The following CRIP3 variants were observed in gnomAD, a reference collection of about 807,000 sequenced individuals.
The protein encoded by CRIP3 is cysteine-rich protein 3.
A neutral mutation model predicts 30.3 loss-of-function variants in CRIP3; 23 were observed. That is an observed-to-expected ratio of 0.76 (90% CI 0.55 to 1.08). CRIP3 has a LOEUF of 1.08. Among genes scored for constraint, CRIP3 ranks in the 50% least tolerant of loss-of-function variants. The pLI, the probability that CRIP3 is intolerant of heterozygous loss-of-function variation, is 0.00. For synonymous variants in CRIP3, 89 were observed against 97.6 expected (o/e 0.91, Z 0.52); for missense variants, 261 against 259.3 (o/e 1.01, Z -0.04).
intron 1 of CRIP3, 108 bp downstream of exon 1, chr6:43,308,642 G>C: frequency 7.2e-7 from 1 of 1,386,320 alleles, no homozygotes; most frequent in East Asian, 2.3e-5. Flanking sequence ...AGCCGCTGCA[G>C]GTGAAAAGGG....
chr6:43,308,096 G>A (rs552674660), intron 2 of CRIP3, among the ~76,000 whole-genome samples, 200 bp from the exon 3 acceptor site: 9 of 152,202 alleles, frequency 5.9e-5, no homozygotes, highest in African/African-American at 2.2e-4. Flanking sequence ...AGAAGGTGAC[G>A]CTGCTTCCCA....
chr6:43,305,690 G>C lies in CRIP3; in HGVS notation c.*124C>G. ...ACTCTCTGGCCTACCATGGAGCCTAGGCCCAGGCCCCCAAGATCCCACCTT... is the reference window on the plus strand; with the variant it reads ...ACTCTCTGGCCTACCATGGAGCCTACGCCCAGGCCCCCAAGATCCCACCTT... On this transcript the variant is annotated 3_prime_UTR_variant, in exon 8 of 8. Coordinates refer to ENST00000372569, the MANE Select transcript of CRIP3 (RefSeq NM_206922.3). 1 of 1,236,862 alleles carries C rather than the reference G, an allele frequency of 8.1e-7. No individual in the cohort carries two copies. Among genetic ancestry groups the C allele is most frequent in the Non-Finnish European group, 1.2e-6 (1 of 845,556 alleles). The allele number at this position is 1,236,862 out of a possible 1,614,324, so 76.6% of individuals were successfully genotyped here.
chr6:43,306,080 C>G lies in CRIP3; in HGVS notation c.540G>C (p.Leu180=). The G allele has an allele frequency of 6.2e-7, 1 of 1,613,680 alleles. No homozygotes were observed. Among genetic ancestry groups the G allele is most frequent in the Non-Finnish European group, 8.5e-7 (1 of 1,179,766 alleles). ...PYCHVPCYGY[L]FGPKGVNIGD... The stretch of plus-strand genomic sequence containing the variant: ...GGGGCTGCCCACCTTTGGGGCCAAA[C>G]AGGTAGCCGTAGCAGGGGACGTGGC... Residue 180 remains leucine (L), a synonymous_variant, in exon 7 of 8, where the codon CTG becomes CTC. Coordinates refer to ENST00000372569, the MANE Select transcript of CRIP3 (RefSeq NM_206922.3).
chr6:43,306,257 G>C lies in CRIP3; in HGVS notation c.457C>G (p.Arg153Gly), dbSNP rs142672835. The C allele has an allele frequency of 1.2e-6, 2 of 1,614,130 alleles. No homozygotes were observed. The highest frequency in any genetic ancestry group is 2.2e-5 in the South Asian group (2 of 91,084). The change falls in exon 6 of 8, where the codon CGT becomes GGT. Residue 153 changes from arginine (R) to glycine (G), a missense_variant. Coordinates refer to ENST00000372569, the MANE Select transcript of CRIP3 (RefSeq NM_206922.3). ...CCAGCAGTCAGGGTCTTGTGGCAAC[G>C]CTGGCACCTCAGACACGGTCGGTGC... ...NWHRPCLRCQ[R>G]CHKTLTAGSH...
intron 2 of CRIP3, 106 bp from the exon 3 acceptor site, chr6:43,308,002 T>C: frequency 7.9e-7 from 1 of 1,267,186 alleles, no homozygotes; most frequent in South Asian, 1.3e-5. Context: ...ACTGGCTGAG[T>C]CTGGTGGGCC....
At chr6:43,306,604 G>T in intron 4 of CRIP3, 87 bp from the exon 5 acceptor site, 1 of 1,167,298 alleles carries the variant, frequency 8.6e-7, no homozygotes, top group Non-Finnish European at 1.2e-6. Flanking sequence ...TCTTTCAAAA[G>T]CCATGCTCAT....
chr6:43,307,295 A>C (rs1160479661), intron 4 of CRIP3: 1 of 170,290 alleles, frequency 5.9e-6, no homozygotes, highest in Non-Finnish European at 1.2e-5. Flanking sequence ...ATGAGCCACC[A>C]CACCTGGCTA....
At chr6:43,307,130 C>T (rs545373796) in intron 4 of CRIP3, 4 of 140,362 alleles carry the variant, frequency 2.8e-5, no homozygotes, top group African/African-American at 8.1e-5. Context: ...CCCAATTAAC[C>T]TCTTTTTTTT....
Position 43,308,033 on chromosome 6 carries a change from C to A in CRIP3, c.139-137G>T. ...GGGCCTGGGAGGGGTGGGGGATGGG[C>A]TGGCATGCCAGCATTTCCACTGTGG... On this transcript the variant is annotated intron_variant, in intron 2 of 7. Coordinates refer to ENST00000372569, the MANE Select transcript of CRIP3 (RefSeq NM_206922.3). The A allele has an allele frequency of 4.3e-6, 4 of 934,728 alleles. No homozygotes were observed. In the East Asian group the frequency reaches 1.1e-4, roughly 25 times the overall value. 57.9% of individuals were successfully genotyped at this position (934,728 alleles called of 1,614,324 possible).
At position 43,306,432 on chromosome 6, in the gene CRIP3, C is replaced by T. The variant is rs774622516; in HGVS notation, c.400+14G>A. On this transcript the variant is annotated intron_variant, in intron 5 of 7. Coordinates refer to ENST00000372569, the MANE Select transcript of CRIP3 (RefSeq NM_206922.3). Reference sequence around the variant, plus strand: ...CCCTGTATCCCCCTCCCCAAGTTTTCCACTGTTACTTACCAAAATAGACGG... The same window carrying T: ...CCCTGTATCCCCCTCCCCAAGTTTTTCACTGTTACTTACCAAAATAGACGG... 2.3e-5 allele frequency: 35 copies of T among 1,508,610 alleles called. No individual in the cohort carries two copies. The highest frequency in any genetic ancestry group is 1.2e-4 in the Admixed American group (7 of 58,142). 93.5% of individuals were successfully genotyped at this position (1,508,610 alleles called of 1,614,324 possible).
At chr6:43,306,013 G>A (rs1562118615) in intron 7 of CRIP3, 54 bp downstream of exon 7, 7 of 1,605,470 alleles carry the variant, frequency 4.4e-6, no homozygotes, top group Non-Finnish European at 6.0e-6. Context: ...CCATGTACAT[G>A]CCATACTTCA....
At chr6:43,306,656 C>T (rs1173853599) in intron 4 of CRIP3, 139 bp from the exon 5 acceptor site, 3 of 683,024 alleles carry the variant, frequency 4.4e-6, no homozygotes, top group East Asian at 2.7e-5. Context: ...CTGCCTTCTA[C>T]AGGCCCAGAG....
chr6:43,308,438 C>T (rs370737524), intron 1 of CRIP3, 29 bp from the exon 2 acceptor site: 5 of 1,591,836 alleles, frequency 3.1e-6, no homozygotes, highest in African/African-American at 1.3e-5. Context: ...AACCGAGCTG[C>T]GAGGAGCCTG....
At position 43,306,130 on chromosome 6, in the gene CRIP3, A is replaced by G; in HGVS notation, c.496-6T>C. On this transcript the variant is annotated splice_region_variant and splice_polypyrimidine_tract_variant and intron_variant, in intron 6 of 7. Coordinates refer to ENST00000372569, the MANE Select transcript of CRIP3 (RefSeq NM_206922.3). The stretch of plus-strand genomic sequence containing the variant: ...CAGTAGGGGACTCCATCATGCTGAG[A>G]CACAGAGAGAAAGAGAGCTGTCTCA... The G allele has an allele frequency of 6.2e-7, 1 of 1,614,048 alleles. No homozygotes were observed. The highest frequency in any genetic ancestry group is 8.5e-7 in the Non-Finnish European group (1 of 1,179,992).
At position 43,308,751 on chromosome 6, in the gene CRIP3, G is replaced by C; in HGVS notation, c.42C>G (p.Phe14Leu). 1 of 1,614,002 alleles carries C rather than the reference G, an allele frequency of 6.2e-7. No individual in the cohort carries two copies. The highest frequency in any genetic ancestry group is 8.5e-7 in the Non-Finnish European group (1 of 1,180,018). ...CCCCCTCCGCAGCCCGGGCCTCACC[G>C]AAGAAAACAGGTTGCTGGCAACGCG... ...TCPRCQQPVFFAEKVSSLGKN... is the reference protein window; with the variant it reads ...TCPRCQQPVFLAEKVSSLGKN... Residue 14 changes from phenylalanine to leucine, a missense_variant and splice_region_variant, in exon 1 of 8, where the codon TTC becomes TTG. Coordinates refer to ENST00000372569, the MANE Select transcript of CRIP3 (RefSeq NM_206922.3).
chr6:43,308,231 C>T, intron 2 of CRIP3, 84 bp downstream of exon 2: 1 of 1,246,848 alleles, frequency 8.0e-7, no homozygotes, highest in Non-Finnish European at 1.1e-6. Context: ...TTTGGCAGGC[C>T]TCCAGTGCTG....
Position 43,305,647 on chromosome 6 carries a change from T to C in CRIP3, c.*167A>G. 1 of 821,738 alleles carries C rather than the reference T, an allele frequency of 1.2e-6. No homozygotes were observed. The highest frequency in any genetic ancestry group is 2.0e-6 in the Non-Finnish European group (1 of 510,334). 50.9% of individuals were successfully genotyped at this position (821,738 alleles called of 1,614,324 possible). Reference sequence around the variant, plus strand: ...AGATAGAAATGGGAAAGGGAAAAAATTGGCAGAGAAAGTCTAGACTCTCTG... The same window carrying C: ...AGATAGAAATGGGAAAGGGAAAAAACTGGCAGAGAAAGTCTAGACTCTCTG... On this transcript the variant is annotated 3_prime_UTR_variant, in exon 8 of 8. Coordinates refer to ENST00000372569, the MANE Select transcript of CRIP3 (RefSeq NM_206922.3).
rs141665689 is a variant in CRIP3, at chr6:43,306,320, G to A, written c.401-7C>T. ...AATGACATCACCTTCTCAGCTGGTG[G>A]TGGAAAGAAGTGGTAATGCTTCCAT... On this transcript the variant is annotated splice_region_variant and splice_polypyrimidine_tract_variant and intron_variant, in intron 5 of 7. Transcript: ENST00000372569. 1.2e-6 allele frequency: 2 copies of A among 1,613,878 alleles called. No homozygotes were observed. Among genetic ancestry groups the A allele is most frequent in the Non-Finnish European group, 1.7e-6 (2 of 1,179,852 alleles).
chr6:43,308,812 C>A lies in CRIP3; in HGVS notation c.-20G>T, dbSNP rs759600127. 2.5e-6 allele frequency: 4 copies of A among 1,613,904 alleles called. No homozygotes were observed. Among genetic ancestry groups the A allele is most frequent in the East Asian group, 2.2e-5 (1 of 44,866 alleles). On this transcript the variant is annotated 5_prime_UTR_variant, in exon 1 of 8. Coordinates refer to ENST00000372569, the MANE Select transcript of CRIP3 (RefSeq NM_206922.3). ...GCTCATAGCTCCGCTCCAGGCAGCGCACGCGGCACACAGTAGGTACGCCGC... is the reference window on the plus strand; with the variant it reads ...GCTCATAGCTCCGCTCCAGGCAGCGAACGCGGCACACAGTAGGTACGCCGC...
Sources: gnomAD v4.1 joint callset for allele counts (sites outside exome capture counted in the v4.1 genomes callset) on GRCh38, gnomAD v4.1.1 for gene constraint, MANE v1.5 for transcripts, NCBI Gene and HGNC (gene_info 2026-07-23, HGNC 2026-07-21) for gene names.